Variants in GRIK2 observed in about 807,000 individuals in gnomAD.
GRIK2 encodes the protein glutamate receptor ionotropic, kainate 2.
A neutral mutation model predicts 100.3 loss-of-function variants in GRIK2; 32 were observed. The ratio of observed to expected loss-of-function variants is 0.32; its 90% CI spans 0.24 to 0.43. The LOEUF (loss-of-function observed/expected upper bound fraction) is 0.43. Among genes scored for constraint, GRIK2 ranks in the 20% least tolerant of loss-of-function variants. The pLI, the probability that GRIK2 is intolerant of heterozygous loss-of-function variation, is 1.00. For synonymous variants in GRIK2, 417 were observed against 389.4 expected (o/e 1.07, Z -0.83); for missense variants, 843 against 1,114.9 (o/e 0.76, Z 3.47).
At chr6:101,909,094 C>T (rs2518215) in intron 12 of GRIK2, among the ~76,000 whole-genome samples, 3,918 of 151,164 alleles carry the variant, frequency 0.026, 168 homozygotes, top group African/African-American at 0.091. Flanking sequence ...AAAGGTTATT[C>T]TGTAACTTTT....
intron 14 of GRIK2, among the ~76,000 whole-genome samples, chr6:101,962,647 T>C (rs895404137): frequency 1.3e-5 from 2 of 152,230 alleles, no homozygotes; most frequent in African/African-American, 4.8e-5. Context: ...CAACTCTTTT[T>C]GCTAATTCTC....
chr6:101,608,039 T>TA (rs34381109), intron 2 of GRIK2, among the ~76,000 whole-genome samples: 52,062 of 151,274 alleles, frequency 0.34, 9,280 homozygotes, highest in African/African-American at 0.43. Flanking sequence ...TAAAATTATT[T>TA]AAAAATTTAA....
chr6:101,525,103 T>A (rs1044869797), intron 2 of GRIK2, among the ~76,000 whole-genome samples: 1 of 152,182 alleles, frequency 6.6e-6, no homozygotes, highest in African/African-American at 2.4e-5. Flanking sequence ...TTTGTCTATA[T>A]GATACCAAAT....
intron 13 of GRIK2, 118 bp downstream of exon 13, chr6:101,924,837 C>G (rs1789784193): frequency 1.5e-6 from 1 of 664,570 alleles, no homozygotes; most frequent in Non-Finnish European, 2.8e-6. Context: ...AACCATAATC[C>G]AGCTTTTCCA....
intron 2 of GRIK2, among the ~76,000 whole-genome samples, chr6:101,582,215 T>G (rs1319681834): frequency 1.3e-5 from 2 of 149,804 alleles, no homozygotes; most frequent in African/African-American, 4.8e-5. Flanking sequence ...GCTATCCCTC[T>G]CCTAGCCCCC....
At chr6:101,707,309 A>G (rs73764508) in intron 7 of GRIK2, among the ~76,000 whole-genome samples, 32,091 of 151,022 alleles carry the variant, frequency 0.21, 4,752 homozygotes, top group African/African-American at 0.41. Context: ...AAAATAGGGG[A>G]AGAAACTTAT....
chr6:101,595,382 G>C (rs923140976), intron 2 of GRIK2, among the ~76,000 whole-genome samples: 5 of 151,500 alleles, frequency 3.3e-5, no homozygotes, highest in African/African-American at 1.2e-4. Flanking sequence ...AGTAGTCTTA[G>C]ACAATATATA....
At chr6:101,510,305 A>T (rs926314220) in intron 2 of GRIK2, among the ~76,000 whole-genome samples, 3 of 152,098 alleles carry the variant, frequency 2.0e-5, no homozygotes, top group Non-Finnish European at 4.4e-5. Context: ...TTATCATGCA[A>T]GGATGCACTA....
intron 2 of GRIK2, among the ~76,000 whole-genome samples, chr6:101,590,586 C>A (rs1179603726): frequency 6.6e-6 from 1 of 151,968 alleles, no homozygotes; most frequent in African/African-American, 2.4e-5. Context: ...TGTAGGCAAC[C>A]TGAAGGGCAG....
At chr6:101,418,975 T>G (rs1776284335) in intron 2 of GRIK2, among the ~76,000 whole-genome samples, 1 of 152,178 alleles carries the variant, frequency 6.6e-6, no homozygotes, top group Admixed American at 6.5e-5. Context: ...TAATATAATG[T>G]CTACATGACT....
At chr6:101,556,855 T>G (rs1217655307) in intron 2 of GRIK2, among the ~76,000 whole-genome samples, 1 of 152,214 alleles carries the variant, frequency 6.6e-6, no homozygotes, top group Non-Finnish European at 1.5e-5. Flanking sequence ...TTTCAGAGAC[T>G]TCTTAATGGT....
At chr6:101,766,612 G>A (rs1360178494) in intron 7 of GRIK2, among the ~76,000 whole-genome samples, 3 of 152,112 alleles carry the variant, frequency 2.0e-5, no homozygotes, top group African/African-American at 4.8e-5. Context: ...GTTTACTACA[G>A]CATGTCTTTA....
intron 4 of GRIK2, among the ~76,000 whole-genome samples, chr6:101,664,544 G>A (rs985571911): frequency 6.6e-6 from 1 of 152,214 alleles, no homozygotes; most frequent in African/African-American, 2.4e-5. Flanking sequence ...AGACCCTAAA[G>A]TGTTAGAAGC....
At chr6:101,929,394 G>C (rs1790118281) in intron 14 of GRIK2, among the ~76,000 whole-genome samples, 1 of 152,038 alleles carries the variant, frequency 6.6e-6, no homozygotes, top group African/African-American at 2.4e-5. Flanking sequence ...TGTAGGTTGG[G>C]CAAATTTTAA....
intron 3 of GRIK2, among the ~76,000 whole-genome samples, chr6:101,623,339 C>G (rs192320214): frequency 1.3e-5 from 2 of 152,062 alleles, no homozygotes; most frequent in African/African-American, 4.8e-5. Context: ...CATTTCAGAG[C>G]CTGTCAGGTG....
At chr6:101,444,953 G>A (rs187242263) in intron 2 of GRIK2, among the ~76,000 whole-genome samples, 180 of 152,024 alleles carry the variant, frequency 1.2e-3, no homozygotes, top group African/African-American at 4.0e-3. Context: ...CATTCTATTG[G>A]GACCAATCTA....
intron 4 of GRIK2, among the ~76,000 whole-genome samples, chr6:101,645,368 A>G (rs933710535): frequency 1.3e-5 from 2 of 151,806 alleles, no homozygotes; most frequent in African/African-American, 4.8e-5. Context: ...GTCAGTAGCT[A>G]TTGTGTTATA....
rs547518581 is a variant in GRIK2, at chr6:101,895,748, T to A, written c.1748+5885T>A. On this transcript the variant is annotated intron_variant, in intron 12 of 16. Transcript: ENST00000369134. ...ATTTCAATTTTAACTTTCCATAACA[T>A]AACTTTAGATATATTTTATTTTTAA... Among the ~76,000 whole-genome samples, 19 of 151,898 alleles carry A rather than the reference T, an allele frequency of 1.3e-4. No individual in the cohort carries two copies. In the South Asian group the frequency reaches 3.3e-3, roughly 26 times the overall value.
At chr6:101,822,106 T>G (rs1205622511) in intron 10 of GRIK2, among the ~76,000 whole-genome samples, 4 of 151,852 alleles carry the variant, frequency 2.6e-5, no homozygotes, top group African/African-American at 9.7e-5. Context: ...ATGTATTGAA[T>G]AATAATGATA....
Sources: gnomAD v4.1 joint callset for allele counts (sites outside exome capture counted in the v4.1 genomes callset) on GRCh38, gnomAD v4.1.1 for gene constraint, MANE v1.5 for transcripts, NCBI Gene and HGNC (gene_info 2026-07-23, HGNC 2026-07-21) for gene names.